The following ANKDD1A variants were observed in gnomAD, a reference collection of about 807,000 sequenced individuals.
ANKDD1A encodes the protein ankyrin repeat and death domain containing 1A, also known as ankyrin repeat and death domain-containing protein 1A.
ANKDD1A carries 59 observed loss-of-function variants against 63.5 expected under a neutral mutation model. The ratio of observed to expected loss-of-function variants is 0.93; its 90% CI spans 0.75 to 1.15. The LOEUF (loss-of-function observed/expected upper bound fraction) is 1.15, where lower values mean the gene tolerates loss of function less well. ANKDD1A is among the 50% of genes most tolerant of loss of function. The pLI is 0.00. For missense variants in ANKDD1A, 632 were observed against 656.4 expected (o/e 0.96, Z 0.41); for synonymous variants, 266 against 263.9 (o/e 1.01, Z -0.08).
chr15:64,931,160 C>A (rs1212183735), intron 7 of ANKDD1A, among the ~76,000 whole-genome samples: 5 of 152,130 alleles, frequency 3.3e-5, no homozygotes, highest in Non-Finnish European at 7.4e-5. Flanking sequence ...AGGGAGACGT[C>A]ACCGTGGACA....
intron 6 of ANKDD1A, among the ~76,000 whole-genome samples, chr15:64,930,123 G>C (rs761942263): frequency 6.6e-6 from 1 of 152,132 alleles, no homozygotes; most frequent in Non-Finnish European, 1.5e-5. Context: ...GAGAGCATCA[G>C]GGCAAATAGC....
At chr15:64,953,653 C>T (rs1268748084) in intron 14 of ANKDD1A, among the ~76,000 whole-genome samples, 3 of 133,342 alleles carry the variant, frequency 2.2e-5, no homozygotes, top group African/African-American at 5.6e-5. Flanking sequence ...CTTCCTTCTC[C>T]TTCTTTTCTT....
intron 9 of ANKDD1A, among the ~76,000 whole-genome samples, chr15:64,941,149 T>A (rs1248923824): frequency 1.3e-5 from 2 of 152,234 alleles, no homozygotes; most frequent in Non-Finnish European, 2.9e-5. Context: ...TTAGTTTATA[T>A]TTTTTGGCTG....
intron 10 of ANKDD1A, among the ~76,000 whole-genome samples, chr15:64,942,901 A>G (rs1398085832): frequency 6.6e-6 from 1 of 152,192 alleles, no homozygotes; most frequent in Non-Finnish European, 1.5e-5. Flanking sequence ...TTGTGTAACA[A>G]GAGGCCTCTG....
intron 2 of ANKDD1A, 133 bp downstream of exon 2, chr15:64,916,033 C>G (rs769490317): frequency 4.2e-4 from 340 of 812,990 alleles, no homozygotes; most frequent in Non-Finnish European, 5.6e-4. Flanking sequence ...GGCTCGGGCT[C>G]TGTCCTCATG....
At chr15:64,916,057 C>T (rs984263692) in intron 2 of ANKDD1A, among the ~76,000 whole-genome samples, 157 bp downstream of exon 2, 55 of 152,112 alleles carry the variant, frequency 3.6e-4, no homozygotes, top group African/African-American at 1.3e-3. Flanking sequence ...TGCATTGTCT[C>T]GAGGAATCTG....
At chr15:64,926,461 G>A (rs1253862509) in intron 5 of ANKDD1A, among the ~76,000 whole-genome samples, 3 of 152,144 alleles carry the variant, frequency 2.0e-5, no homozygotes, top group Non-Finnish European at 2.9e-5. Flanking sequence ...AAATAAACTG[G>A]ATTTGTGGGT....
chr15:64,954,474 TCTTTTTCTTCTTCCTTCTC>T lies in ANKDD1A; in HGVS notation c.1484-2625_1484-2607del, dbSNP rs2085387119. On this transcript the variant is annotated intron_variant, in intron 14 of 14. Transcript: ENST00000319580. ...TCTTCTTCCCTCTTCTCCTTCTTCCTCTTTTTCTTCTTCCTTCTCCTTCTTCTTCCTTCTTCTCCTCTTT... is the reference window on the plus strand; with the variant it reads ...TCTTCTTCCCTCTTCTCCTTCTTCCTCTTCTTCTTCCTTCTTCTCCTCTTT... Among the ~76,000 whole-genome samples, 4 of 136,678 alleles carry T rather than the reference TCTTTTTCTTCTTCCTTCTC, an allele frequency of 2.9e-5. No homozygotes were observed. In the East Asian group the frequency reaches 7.8e-4, roughly 27 times the overall value. The allele number at this position is 136,678 out of a possible 152,430, so 89.7% of individuals were successfully genotyped here.
At position 64,951,624 on chromosome 15, in the gene ANKDD1A, CTCT is replaced by C. The variant is rs1166546421; in HGVS notation, c.1483+1657_1483+1659del. On this transcript the variant is annotated intron_variant, in intron 14 of 14. Coordinates refer to ENST00000319580, the MANE Select transcript of ANKDD1A (RefSeq NM_182703.6). ...TTTCTTCTTGTTCCTTATTCTTCTT[CTCT>C]TCTTTTCTTCTTCTATCTTCTTTCC... is the stretch of plus-strand genomic sequence containing the variant. 3.9e-3 allele frequency among the ~76,000 whole-genome samples: 73 copies of C among 18,732 alleles called. 2 individuals carry two copies. In the East Asian group the frequency reaches 0.06, roughly 15 times the overall value. 12.3% of individuals were successfully genotyped at this position (18,732 alleles called of 152,430 possible).
chr15:64,954,119 TCTC>T (rs1204130682), intron 14 of ANKDD1A, among the ~76,000 whole-genome samples: 75 of 143,518 alleles, frequency 5.2e-4, no homozygotes, highest in African/African-American at 1.6e-3. Context: ...TCCTTTCTTT[TCTC>T]CTTTCTTCTT....
chr15:64,951,399 T>G, intron 14 of ANKDD1A: 1 of 181,532 alleles, frequency 5.5e-6, no homozygotes. Context: ...TTCTTCCTCT[T>G]TTTTCTTTTT....
Position 64,957,417 on chromosome 15 carries a change from T to C in ANKDD1A, c.*229T>C, listed in dbSNP as rs1322473081. ...ATGTGTTTTCTGAAAGTAAAGATTATTTTACCTTGAAATTACAAAAATTAT... is the reference window on the plus strand; with the variant it reads ...ATGTGTTTTCTGAAAGTAAAGATTACTTTACCTTGAAATTACAAAAATTAT... On this transcript the variant is annotated 3_prime_UTR_variant, in exon 15 of 15. Coordinates refer to ENST00000319580, the MANE Select transcript of ANKDD1A (RefSeq NM_182703.6). 1 of 162,574 alleles carries C rather than the reference T, an allele frequency of 6.2e-6. No individual in the cohort carries two copies. Among genetic ancestry groups the C allele is most frequent in the Non-Finnish European group, 1.4e-5 (1 of 74,024 alleles). The allele number at this position is 162,574 out of a possible 1,614,324, so 10.1% of individuals were successfully genotyped here.
intron 14 of ANKDD1A, among the ~76,000 whole-genome samples, chr15:64,953,908 CTTCTTTCTTCTCTTTTTCTTTTTTCT>C (rs2085365485): frequency 3.8e-4 from 1 of 2,652 alleles, no homozygotes; most frequent in Non-Finnish European, 4.6e-3. Context: ...TTTCTTCCCT[CTTCTTTCTTCTCTTTTTCTTTTTTCT>C]TTTCTTCCTC....
At chr15:64,916,008 G>C in intron 2 of ANKDD1A, 108 bp downstream of exon 2, 1 of 1,090,446 alleles carries the variant, frequency 9.2e-7, no homozygotes, top group South Asian at 1.5e-5. Flanking sequence ...ATTTGCATGT[G>C]TAAACTTGGA....
chr15:64,943,741 C>T (rs772671783), intron 11 of ANKDD1A, 159 bp downstream of exon 11: 1 of 686,750 alleles, frequency 1.5e-6, no homozygotes, highest in South Asian at 1.7e-5. Flanking sequence ...GGAAGCCTTC[C>T]TGACCTTCCA....
chr15:64,953,538 C>CCTTCTCCTTTT (rs2085344986), intron 14 of ANKDD1A, among the ~76,000 whole-genome samples: 1 of 124,590 alleles, frequency 8.0e-6, no homozygotes, highest in Admixed American at 8.8e-5. Flanking sequence ...CTTCTCCTCT[C>CCTTCTCCTTTT]CTTCTTCCTT....
chr15:64,950,358 T>C, intron 14 of ANKDD1A: 1 of 985,420 alleles, frequency 1.0e-6, no homozygotes, highest in Non-Finnish European at 1.2e-6. Context: ...TGACTTAATA[T>C]GAGTTGAACC....
chr15:64,913,734 C>T (rs917533648), intron 1 of ANKDD1A, among the ~76,000 whole-genome samples: 4 of 152,188 alleles, frequency 2.6e-5, no homozygotes, highest in African/African-American at 7.2e-5. Context: ...TGTCTCTCAC[C>T]TCAGTGCATC....
At chr15:64,953,433 CTCCTTCCTT>C (rs2085339625) in intron 14 of ANKDD1A, among the ~76,000 whole-genome samples, 1 of 26,518 alleles carries the variant, frequency 3.8e-5, no homozygotes, top group African/African-American at 4.8e-5. Context: ...CTTCTTCCTC[CTCCTTCCTT>C]TTCTTCTTTC....
Sources: allele counts gnomAD v4.1 joint callset (sites outside exome capture counted in the v4.1 genomes callset), GRCh38; gene constraint gnomAD v4.1.1; transcripts MANE v1.5; gene names NCBI Gene and HGNC (gene_info 2026-07-23, HGNC 2026-07-21).